Variants in TBP observed in about 807,000 individuals in gnomAD.
TBP encodes the protein TATA-box-binding protein.
In TBP, 12 loss-of-function variants were observed where a neutral mutation model predicts 46.2. The ratio of observed to expected loss-of-function variants is 0.26; its 90% CI spans 0.17 to 0.42. The LOEUF (loss-of-function observed/expected upper bound fraction) is 0.42, where lower values mean the gene tolerates loss of function less well. Among genes scored for constraint, TBP ranks in the 10% least tolerant of loss-of-function variants. The pLI, the probability that TBP is intolerant of heterozygous loss-of-function variation, is 1.00. For synonymous variants in TBP, 157 were observed against 148.3 expected (o/e 1.06, Z -0.42); for missense variants, 229 against 403.1 (o/e 0.57, Z 3.70).
rs751986065 is a variant in TBP at position 170,562,011 on chromosome 6, AGC to A, written c.276_277del (p.Gln93AlafsTer84). On this transcript the variant is annotated frameshift_variant, in exon 3 of 8. Transcript: ENST00000392092. LOFTEE classifies it high-confidence loss of function. The stretch of plus-strand genomic sequence containing the variant: ...CAGCAGCAGCAGCAGCAGCAGCAGC[AGC>A]AGCAACAGGCAGTGGCAGCTGCAGC... 272 of 1,604,966 alleles carry A rather than the reference AGC, an allele frequency of 1.7e-4. No homozygotes were observed. The highest frequency in any genetic ancestry group is 1.2e-3 in the Middle Eastern group (7 of 5,988).
intron 3 of TBP, among the ~76,000 whole-genome samples, chr6:170,563,209 C>T (rs1779181487): frequency 6.6e-6 from 1 of 152,190 alleles, no homozygotes; most frequent in African/African-American, 2.4e-5. Context: ...GCTTGTCTGA[C>T]TCCCAGGAAT....
chr6:170,559,767 A>G (rs1396441661), intron 2 of TBP, among the ~76,000 whole-genome samples: 1 of 152,248 alleles, frequency 6.6e-6, no homozygotes, highest in African/African-American at 2.4e-5. Context: ...CTGGAAGAAG[A>G]TGCTATCTAG....
rs777626558 is a variant in TBP at position 170,564,650 on chromosome 6, G to A, written c.585+18G>A. ...ATCCCAAGGTTAGATCTATTTTAAT[G>A]TATTTCTTTTTTTTTTCTTTTTTGT... On this transcript the variant is annotated intron_variant, in intron 4 of 7. Coordinates refer to ENST00000392092, the MANE Select transcript of TBP (RefSeq NM_003194.5). 9 of 1,550,748 alleles carry A rather than the reference G, an allele frequency of 5.8e-6. No individual in the cohort carries two copies. In the African/African-American group the frequency reaches 1.1e-4, roughly 19 times the overall value.
At chr6:170,555,360 C>T (rs1398659294) in intron 1 of TBP, among the ~76,000 whole-genome samples, 1 of 152,220 alleles carries the variant, frequency 6.6e-6, no homozygotes. Context: ...CAAATTAGAT[C>T]TGTTCATACT....
At position 170,571,394 on chromosome 6, in the gene TBP, G is replaced by T. The variant is rs199911417; in HGVS notation, c.846-16G>T. On this transcript the variant is annotated splice_polypyrimidine_tract_variant and intron_variant, in intron 6 of 7. Transcript: ENST00000392092. Reference sequence around the variant, plus strand: ...AAAGCTCTTGATTTCTAAACTTTTTGCAATTTTCCTTCTAGTTATGAGCCA... The same window carrying T: ...AAAGCTCTTGATTTCTAAACTTTTTTCAATTTTCCTTCTAGTTATGAGCCA... 1.3e-6 allele frequency: 2 copies of T among 1,590,068 alleles called. No homozygotes were observed. Among genetic ancestry groups the T allele is most frequent in the Admixed American group, 3.4e-5 (2 of 58,962 alleles).
At chr6:170,558,697 ATTT>A (rs149989324) in intron 2 of TBP, among the ~76,000 whole-genome samples, 2 of 122,202 alleles carry the variant, frequency 1.6e-5, no homozygotes, top group South Asian at 5.2e-4. Flanking sequence ...TTTTTTTTGT[ATTT>A]TTTTTTTAAT....
At chr6:170,565,173 A>G (rs1460120386) in intron 4 of TBP, among the ~76,000 whole-genome samples, 1 of 152,216 alleles carries the variant, frequency 6.6e-6, no homozygotes, top group African/African-American at 2.4e-5. Context: ...AAATCTGTAT[A>G]TCAAAGAGTT....
chr6:170,557,897 C>T (rs6927768), intron 2 of TBP, among the ~76,000 whole-genome samples: 26,238 of 152,102 alleles, frequency 0.17, 3,594 homozygotes, highest in African/African-American at 0.38. Context: ...AGTCACTCTG[C>T]TGGCCCCAGG....
At chr6:170,568,816 T>TTTC (rs1779319457) in intron 5 of TBP, among the ~76,000 whole-genome samples, 4 of 59,042 alleles carry the variant, frequency 6.8e-5, no homozygotes, top group African/African-American at 2.9e-4. Context: ...TTTCCTTTTC[T>TTTC]TTTTTTTTTT....
Position 170,562,127 on chromosome 6 carries a change from C to T in TBP, c.391C>T (p.Pro131Ser). The change falls in exon 3 of 8, where the codon CCC becomes TCC. Residue 131 changes from proline to serine, a missense_variant. By Grantham distance (74) the Pro-to-Ser change is moderately conservative (BLOSUM62 -1). Transcript: ENST00000392092. ...LFHSQTLTTA[P>S]LPGTTPLYPS... ...CCACTCACAGACTCTCACAACTGCA[C>T]CCTTGCCGGGCACCACTCCACTGTA... 1 of 1,614,208 alleles carries T rather than the reference C, an allele frequency of 6.2e-7. No homozygotes were observed. The highest frequency in any genetic ancestry group is 8.5e-7 in the Non-Finnish European group (1 of 1,180,042).
chr6:170,563,645 C>T (rs546381838), intron 3 of TBP, among the ~76,000 whole-genome samples: 10 of 152,200 alleles, frequency 6.6e-5, no homozygotes, highest in African/African-American at 2.4e-4. Flanking sequence ...ATAGACTGTA[C>T]AAGAAAAAGA....
chr6:170,557,461 G>A (rs1779049859), intron 2 of TBP, among the ~76,000 whole-genome samples: 1 of 152,138 alleles, frequency 6.6e-6, no homozygotes, highest in South Asian at 2.1e-4. Flanking sequence ...CAGCCTGGGT[G>A]CAGTGGCTCA....
At chr6:170,557,317 A>G (rs551005124) in intron 2 of TBP, among the ~76,000 whole-genome samples, 1 of 152,350 alleles carries the variant, frequency 6.6e-6, no homozygotes, top group Non-Finnish European at 1.5e-5. Flanking sequence ...TTTGATAAAC[A>G]CTTATGAGAA....
intron 6 of TBP, among the ~76,000 whole-genome samples, chr6:170,570,889 T>C (rs1685904601): frequency 6.6e-6 from 1 of 152,066 alleles, no homozygotes; most frequent in Admixed American, 6.5e-5. Context: ...TAATCAGGTA[T>C]AGGTTAATTC....
At chr6:170,557,727 C>G (rs71576554) in intron 2 of TBP, among the ~76,000 whole-genome samples, 1 of 95,292 alleles carries the variant, frequency 1.0e-5, no homozygotes, top group African/African-American at 4.4e-5. Flanking sequence ...CAGAGCGAGA[C>G]TCTGTCTCAA....
chr6:170,557,735 C>CAAAA (rs35269766), intron 2 of TBP, among the ~76,000 whole-genome samples: 930 of 51,792 alleles, frequency 0.018, 92 homozygotes, highest in Non-Finnish European at 0.024. Context: ...GACTCTGTCT[C>CAAAA]AAAAAAAAAA....
intron 3 of TBP, among the ~76,000 whole-genome samples, chr6:170,563,047 G>A (rs1029890060): frequency 7.9e-5 from 12 of 152,014 alleles, no homozygotes; most frequent in Admixed American, 2.6e-4. Flanking sequence ...GTGTGTAATC[G>A]TGGATGCTGA....
intron 6 of TBP, among the ~76,000 whole-genome samples, chr6:170,570,536 G>A (rs1340250973): frequency 6.6e-6 from 1 of 152,138 alleles, no homozygotes; most frequent in Non-Finnish European, 1.5e-5. Flanking sequence ...ACTAGGCTTA[G>A]AAGAATATGT....
At position 170,572,530 on chromosome 6, in the gene TBP, T is replaced by G. The variant is rs1779383711; in HGVS notation, c.*265T>G. 1 of 418,768 alleles carries G rather than the reference T, an allele frequency of 2.4e-6. No homozygotes were observed. The highest frequency in any genetic ancestry group is 2.0e-5 in the African/African-American group (1 of 49,268). 25.9% of individuals were successfully genotyped at this position (418,768 alleles called of 1,614,324 possible). On this transcript the variant is annotated 3_prime_UTR_variant, in exon 8 of 8. Coordinates refer to ENST00000392092, the MANE Select transcript of TBP (RefSeq NM_003194.5). ...GGGCAGCGCTGCCCATTTATTTATA[T>G]GTAGATTTTAAACACTGCTGTTGAC...
Sources: allele counts gnomAD v4.1 joint callset (sites outside exome capture counted in the v4.1 genomes callset), GRCh38; gene constraint gnomAD v4.1.1; transcripts MANE v1.5; gene names NCBI Gene and HGNC (gene_info 2026-07-23, HGNC 2026-07-21).